FANCA: variants seen among roughly 807,000 people sequenced by gnomAD.
FANCA encodes the protein Fanconi anemia group A protein.
A neutral mutation model predicts 194.3 loss-of-function variants in FANCA; 236 were observed. The ratio of observed to expected loss-of-function variants is 1.21; its 90% CI spans 1.09 to 1.35. The LOEUF is 1.35. Among genes scored for constraint, FANCA ranks in the 40% most tolerant of loss-of-function variants. The pLI is 0.00. For synonymous variants in FANCA, 1,014 were observed against 715.8 expected (o/e 1.42, Z -6.65); for missense variants, 2,628 against 1,813.9 (o/e 1.45, Z -8.15).
At chr16:89,742,194 C>A (rs1598061170) in intron 37 of FANCA, among the ~76,000 whole-genome samples, 2 of 152,194 alleles carry the variant, frequency 1.3e-5, no homozygotes, top group East Asian at 3.9e-4. Flanking sequence ...CCAAGCTGGT[C>A]TCAAACTCCT....
chr16:89,780,052 G>A, intron 17 of FANCA, 95 bp from the exon 18 acceptor site: 1 of 1,107,076 alleles, frequency 9.0e-7, no homozygotes, highest in African/African-American at 1.5e-5. Context: ...CTTCCTTGTT[G>A]AAAGGCTCTG....
chr16:89,815,016 G>C (rs996423842), intron 2 of FANCA, among the ~76,000 whole-genome samples: 67 of 152,284 alleles, frequency 4.4e-4, no homozygotes, highest in African/African-American at 1.6e-3. Flanking sequence ...CTGTGTGTAA[G>C]TAATGCTTCC....
intron 15 of FANCA, among the ~76,000 whole-genome samples, chr16:89,783,911 G>A (rs1350962243): frequency 3.9e-5 from 6 of 152,092 alleles, no homozygotes; most frequent in African/African-American, 9.7e-5. Flanking sequence ...CTACGCGCGC[G>A]CTACCACGCC....
intron 15 of FANCA, among the ~76,000 whole-genome samples, chr16:89,784,056 G>T (rs1008866353): frequency 6.6e-6 from 1 of 152,008 alleles, no homozygotes; most frequent in African/African-American, 2.4e-5. Flanking sequence ...CACCACGCCC[G>T]GCCAATTTTC....
At chr16:89,743,055 G>T in intron 36 of FANCA, 117 bp from the exon 37 acceptor site, 2 of 1,251,120 alleles carry the variant, frequency 1.6e-6, no homozygotes, top group African/African-American at 1.5e-5. Flanking sequence ...TCAGAGGACA[G>T]AGAAGGGTTT....
At chr16:89,770,296 T>C (rs1177600512) in intron 24 of FANCA, 37 bp from the exon 25 acceptor site, 2 of 1,506,872 alleles carry the variant, frequency 1.3e-6, no homozygotes, top group South Asian at 2.4e-5. Context: ...GTACTAGCCA[T>C]TCAGTCCTGC....
At chr16:89,754,295 A>C (rs1342700741) in intron 30 of FANCA, among the ~76,000 whole-genome samples, 6 of 151,706 alleles carry the variant, frequency 4.0e-5, no homozygotes, top group African/African-American at 1.5e-4. Context: ...GGGGCAATTC[A>C]ACAAGAAAAA....
chr16:89,783,807 A>C (rs2039805217), intron 15 of FANCA, among the ~76,000 whole-genome samples: 2 of 151,944 alleles, frequency 1.3e-5, no homozygotes, highest in Non-Finnish European at 2.9e-5. Context: ...CTTATTGCCC[A>C]GGCTGGAGTG....
At chr16:89,806,507 T>C (rs2040653766) in intron 6 of FANCA, among the ~76,000 whole-genome samples, 1 of 151,944 alleles carries the variant, frequency 6.6e-6, no homozygotes, top group African/African-American at 2.4e-5. Flanking sequence ...CCTTCTGCAG[T>C]GTTTGTGTCC....
chr16:89,759,338 A>T (rs866899527), intron 29 of FANCA, among the ~76,000 whole-genome samples: 98 of 148,008 alleles, frequency 6.6e-4, no homozygotes, highest in African/African-American at 2.3e-3. Context: ...AAAAAAAAAA[A>T]AAAAAAAAAA....
chr16:89,743,067 AG>A, intron 36 of FANCA, 129 bp from the exon 37 acceptor site: 1 of 1,098,374 alleles, frequency 9.1e-7, no homozygotes. Context: ...GAAGGGTTTC[AG>A]GACCATCAGA....
chr16:89,749,593 A>G lies in FANCA; in HGVS notation c.3239+137T>C, dbSNP rs1335522879. On this transcript the variant is annotated intron_variant, in intron 32 of 42. Transcript: ENST00000389301. ...CTTCTCCGTGGCATGTGCCACAGAAATGGACAGGCTTGGGGTGGGGACACA... is the reference window on the plus strand; with the variant it reads ...CTTCTCCGTGGCATGTGCCACAGAAGTGGACAGGCTTGGGGTGGGGACACA... 14 of 1,116,390 alleles carry G rather than the reference A, an allele frequency of 1.3e-5. No homozygotes were observed. In the Admixed American group the frequency reaches 2.8e-4, roughly 22 times the overall value. The allele number at this position is 1,116,390 out of a possible 1,614,324, so 69.2% of individuals were successfully genotyped here. A position where few individuals can be genotyped will look rare whatever the true frequency, so the allele number is the denominator to read the frequency against.
intron 30 of FANCA, among the ~76,000 whole-genome samples, chr16:89,752,672 C>A (rs979343974): frequency 6.6e-6 from 1 of 152,148 alleles, no homozygotes; most frequent in African/African-American, 2.4e-5. Context: ...CCAGGCCATA[C>A]AGAGATAGGA....
intron 8 of FANCA, among the ~76,000 whole-genome samples, chr16:89,802,635 C>T (rs1246242545): frequency 6.6e-6 from 1 of 151,628 alleles, no homozygotes. Context: ...GATCTCCTGA[C>T]CTTGTGATCC....
At chr16:89,742,985 A>G (rs931739404) in intron 36 of FANCA, 47 bp from the exon 37 acceptor site, 5 of 1,593,498 alleles carry the variant, frequency 3.1e-6, no homozygotes, top group African/African-American at 2.7e-5. Flanking sequence ...CAACCATACA[A>G]CCACGCCATA....
rs372883311 is a variant in FANCA at position 89,762,172 on chromosome 16, G to C, written c.2779-150C>G. ...TTGCAGCTGAGAGTTCCACAGGAAA[G>C]AAACCTTAGTTTTATCAAGAATGAT... On this transcript the variant is annotated intron_variant, in intron 28 of 42. Transcript: ENST00000389301. 457 of 714,918 alleles carry C rather than the reference G, an allele frequency of 6.4e-4. 5 individuals are homozygous for C. The highest frequency in any genetic ancestry group is 6.3e-3 in the South Asian group (425 of 67,814). 44.3% of individuals were successfully genotyped at this position (714,918 alleles called of 1,614,324 possible). A position where few individuals can be genotyped will look rare whatever the true frequency, so the allele number is the denominator to read the frequency against.
chr16:89,778,947 C>T lies in FANCA; in HGVS notation c.1772G>A (p.Arg591Gln), dbSNP rs778093769. Residue 591 changes from arginine to glutamine, a missense_variant, in exon 19 of 43, where the codon CGA becomes CAA. Coordinates refer to ENST00000389301, the MANE Select transcript of FANCA (RefSeq NM_000135.4). ...SHFLPALLTPRVLPKVPDSRV... is the reference protein window; with the variant it reads ...SHFLPALLTPQVLPKVPDSRV... ...CTCATGGAGACGCATACTGACCACT[C>T]GAGGTGTGAGCAGGGCGGGGAGGAA... is the stretch of plus-strand genomic sequence containing the variant. The T allele has an allele frequency of 3.7e-5, 59 of 1,613,978 alleles. No individual in the cohort carries two copies. The East Asian group carries it at 1.0e-3, about 28-fold the overall frequency.
chr16:89,764,643 C>T (rs867586636), intron 28 of FANCA, among the ~76,000 whole-genome samples: 3 of 152,176 alleles, frequency 2.0e-5, no homozygotes, highest in African/African-American at 2.4e-5. Flanking sequence ...GAGGCCACAA[C>T]GATTTTAGTC....
At chr16:89,769,685 T>C (rs1019835419) in intron 26 of FANCA, 152 bp downstream of exon 26, 5 of 818,382 alleles carry the variant, frequency 6.1e-6, no homozygotes, top group Admixed American at 2.1e-5. Flanking sequence ...AAATGACAGA[T>C]AAAATTCTGG....
Sources: allele counts gnomAD v4.1 joint callset (sites outside exome capture counted in the v4.1 genomes callset), GRCh38; gene constraint gnomAD v4.1.1; transcripts MANE v1.5; gene names NCBI Gene and HGNC (gene_info 2026-07-23, HGNC 2026-07-21).